Variants in LIN9 observed in about 807,000 individuals in gnomAD.
LIN9 encodes lin-9 DREAM MuvB core complex component, also known as protein lin-9 homolog.
Under a neutral mutation model 78.0 loss-of-function variants are expected in LIN9, and 18 were observed. The observed-to-expected ratio is 0.23, with a 90% CI of 0.16 to 0.34. The LOEUF is 0.34. LIN9 is among the 10% of genes least tolerant of loss of function. The probability of loss-of-function intolerance (pLI) is 1.00; values close to 1 mark genes in which losing one functional copy is unlikely to be tolerated. For synonymous variants in LIN9, 192 were observed against 215.2 expected, an observed-to-expected ratio of 0.89 and a Z score of 0.94; for missense variants, 451 against 644.1, an observed-to-expected ratio of 0.70 and a Z score of 3.25.
At chr1:226,283,015 G>C (rs1661164327) in intron 6 of LIN9, among the ~76,000 whole-genome samples, 1 of 152,098 alleles carries the variant, frequency 6.6e-6, no homozygotes, top group African/African-American at 2.4e-5. Flanking sequence ...GGAGTGCAAG[G>C]GGGCAATCAC....
intron 1 of LIN9, among the ~76,000 whole-genome samples, chr1:226,302,962 C>T (rs1485691580): frequency 6.7e-6 from 1 of 149,504 alleles, no homozygotes; most frequent in Non-Finnish European, 1.5e-5. Flanking sequence ...GCATTAAAGA[C>T]ACTTACTTTC....
intron 1 of LIN9, among the ~76,000 whole-genome samples, chr1:226,304,669 G>A (rs1298969534): frequency 6.6e-6 from 1 of 152,134 alleles, no homozygotes; most frequent in African/African-American, 2.4e-5. Flanking sequence ...AAAGCAATGA[G>A]TCTGGGCAGA....
At chr1:226,294,337 T>C (rs1375309222) in intron 4 of LIN9, among the ~76,000 whole-genome samples, 2 of 151,556 alleles carry the variant, frequency 1.3e-5, no homozygotes, top group African/African-American at 4.9e-5. Context: ...TCCCAGCACT[T>C]TGGGAGGCTG....
rs1657321684 is a variant in LIN9 at position 226,231,417 on chromosome 1, C to T, written c.*1084G>A. 1 of 152,442 alleles carries T rather than the reference C, an allele frequency of 6.6e-6. No individual in the cohort carries two copies. Among genetic ancestry groups the T allele is most frequent in the African/African-American group, 2.4e-5 (1 of 41,412 alleles). 9.4% of individuals were successfully genotyped at this position (152,442 alleles called of 1,614,324 possible). A position where few individuals can be genotyped will look rare whatever the true frequency, so the allele number is the denominator to read the frequency against. On this transcript the variant is annotated 3_prime_UTR_variant, in exon 15 of 15. Coordinates refer to ENST00000681046, the MANE Select transcript of LIN9 (RefSeq NM_001366245.2). The stretch of plus-strand genomic sequence containing the variant: ...ACATCTAAAGGAATTAAAACCACCT[C>T]TACAGCTATATCTTAAACTCCAAAT...
Position 226,265,456 on chromosome 1 carries a change from A to G in LIN9, c.1038+77T>C. 1 of 813,870 alleles carries G rather than the reference A, an allele frequency of 1.2e-6. No homozygotes were observed. The allele number at this position is 813,870 out of a possible 1,614,324, so 50.4% of individuals were successfully genotyped here. A position where few individuals can be genotyped will look rare whatever the true frequency, so the allele number is the denominator to read the frequency against. ...CGGTGATAAACCTACACGGCCCTAGAAAAATTTTCAACTTTAATAACATAA... is the reference window on the plus strand; with the variant it reads ...CGGTGATAAACCTACACGGCCCTAGGAAAATTTTCAACTTTAATAACATAA... On this transcript the variant is annotated intron_variant, in intron 10 of 14. Coordinates refer to ENST00000681046, the MANE Select transcript of LIN9 (RefSeq NM_001366245.2). The surrounding 1 kb of genome is among the most constrained non-coding windows in gnomAD (Gnocchi z 4.1).
At chr1:226,267,083 T>G (rs1388129294) in intron 8 of LIN9, among the ~76,000 whole-genome samples, 1 of 151,840 alleles carries the variant, frequency 6.6e-6, no homozygotes, top group African/African-American at 2.4e-5. Context: ...CCTGGCCAAT[T>G]TACTTTTTTT....
chr1:226,275,748 C>T (rs1385969131), intron 7 of LIN9, among the ~76,000 whole-genome samples: 4 of 146,864 alleles, frequency 2.7e-5, no homozygotes, highest in South Asian at 2.2e-4. Context: ...CTGGGTGCAG[C>T]GGCTCACGCC....
rs1206800514 is a variant in LIN9 at position 226,231,988 on chromosome 1, G to A, written c.*513C>T. On this transcript the variant is annotated 3_prime_UTR_variant, in exon 15 of 15. Coordinates refer to ENST00000681046, the MANE Select transcript of LIN9 (RefSeq NM_001366245.2). ...CCACATTTCCCATCTATATTTCAGT[G>A]GTTTCCTTAAAACTAGGACTTCCCA... 1.8e-5 allele frequency: 7 copies of A among 396,126 alleles called. No individual in the cohort carries two copies. Among genetic ancestry groups the A allele is most frequent in the Non-Finnish European group, 2.7e-5 (6 of 224,862 alleles). 24.5% of individuals were successfully genotyped at this position (396,126 alleles called of 1,614,324 possible).
chr1:226,303,439 T>C (rs1282849461), intron 1 of LIN9, among the ~76,000 whole-genome samples: 2 of 152,090 alleles, frequency 1.3e-5, no homozygotes, highest in African/African-American at 4.8e-5. Flanking sequence ...TATTTGTATA[T>C]AAGGTGTTCA....
chr1:226,301,865 C>A (rs1662554503), intron 1 of LIN9, among the ~76,000 whole-genome samples: 1 of 152,050 alleles, frequency 6.6e-6, no homozygotes. Flanking sequence ...GGCCAGGAGT[C>A]TGAGACCAGC....
At chr1:226,281,750 G>C (rs966957980) in intron 6 of LIN9, among the ~76,000 whole-genome samples, 1 of 150,458 alleles carries the variant, frequency 6.6e-6, no homozygotes, top group Admixed American at 6.6e-5. Context: ...CTGGAGTGCA[G>C]TGGTGTGATC....
intron 7 of LIN9, among the ~76,000 whole-genome samples, chr1:226,275,343 G>C (rs770547841): frequency 6.6e-6 from 1 of 152,156 alleles, no homozygotes; most frequent in African/African-American, 2.4e-5. Flanking sequence ...CCTATAGGCC[G>C]TAAGTTTGCT....
intron 12 of LIN9, 43 bp downstream of exon 12, chr1:226,238,928 C>T (rs1401014124): frequency 5.1e-6 from 8 of 1,579,336 alleles, no homozygotes; most frequent in African/African-American, 1.4e-5. Flanking sequence ...AAGGATTAAG[C>T]TTCAAATACA....
intron 2 of LIN9, 120 bp downstream of exon 2, chr1:226,301,053 C>A (rs1428125055): frequency 2.8e-5 from 16 of 579,654 alleles, no homozygotes; most frequent in Non-Finnish European, 4.6e-5. Context: ...TCAGTGAAAA[C>A]CAATACTGAA....
At chr1:226,309,766 A>G (rs1192273390), upstream of LIN9, 2 of 1,287,180 alleles carry the variant, frequency 1.6e-6, no homozygotes, top group African/African-American at 3.0e-5. Context: ...CCTTTCCCGA[A>G]TGTTGGAAGC....
chr1:226,270,579 T>C (rs536858547), intron 7 of LIN9, among the ~76,000 whole-genome samples: 1 of 152,178 alleles, frequency 6.6e-6, no homozygotes, highest in Non-Finnish European at 1.5e-5. Flanking sequence ...TGGCTCACTT[T>C]GGGAGGCCCA....
At chr1:226,302,450 G>C (rs1433382520) in intron 1 of LIN9, among the ~76,000 whole-genome samples, 1 of 151,970 alleles carries the variant, frequency 6.6e-6, no homozygotes, top group Non-Finnish European at 1.5e-5. Flanking sequence ...GGCTGAGGTG[G>C]GAGAATGGCG....
chr1:226,294,577 A>C (rs367563806), intron 4 of LIN9, among the ~76,000 whole-genome samples: 269 of 152,002 alleles, frequency 1.8e-3, no homozygotes, highest in African/African-American at 6.0e-3. Flanking sequence ...GTCTCAAAAA[A>C]AAAAAACAAA....
chr1:226,283,104 T>A (rs1318943992), intron 6 of LIN9, among the ~76,000 whole-genome samples: 1 of 151,920 alleles, frequency 6.6e-6, no homozygotes, highest in African/African-American at 2.4e-5. Context: ...CACAGTCATG[T>A]GTCACCCAAC....
Sources: gnomAD v4.1 joint callset for allele counts (sites outside exome capture counted in the v4.1 genomes callset) on GRCh38, gnomAD v4.1.1 for gene constraint, Gnocchi (gnomAD v3.1) non-coding constraint, MANE v1.5 for transcripts, NCBI Gene and HGNC (gene_info 2026-07-23, HGNC 2026-07-21) for gene names.